GMDS: variants seen among roughly 807,000 people sequenced by gnomAD.
GMDS encodes the protein GDP-mannose 4,6-dehydratase.
GMDS carries 20 observed loss-of-function variants against 49.9 expected under a neutral mutation model. The observed-to-expected ratio is 0.40, with a 90% CI of 0.28 to 0.58. GMDS has a LOEUF of 0.58. Ranked by LOEUF, GMDS falls within the 20% of genes least tolerant of loss-of-function variation. The probability of loss-of-function intolerance (pLI) is 0.42; values close to 1 mark genes in which losing one functional copy is unlikely to be tolerated. For synonymous variants in GMDS, 177 were observed against 178.6 expected (o/e 0.99, Z 0.07); for missense variants, 362 against 481.4 (o/e 0.75, Z 2.32).
At position 1,833,734 on chromosome 6, in the gene GMDS, G is replaced by A. The variant is rs1030510198; in HGVS notation, c.772-91148C>T. Among the ~76,000 whole-genome samples the A allele has an allele frequency of 6.6e-6, 1 of 152,288 alleles. No individual in the cohort carries two copies. The highest frequency in any genetic ancestry group is 2.4e-5 in the African/African-American group (1 of 41,558). On this transcript the variant is annotated intron_variant, in intron 7 of 10. Transcript: ENST00000380815. This position sits in a 1 kb window ranked among gnomAD's most constrained non-coding sequence, Gnocchi z 4.4. ...TTTAAAAAACCATTTTCACATGGAAGGGCAGTGGGTTGAAAGATCCTCATT... is the reference window on the plus strand; with the variant it reads ...TTTAAAAAACCATTTTCACATGGAAAGGCAGTGGGTTGAAAGATCCTCATT...
intron 7 of GMDS, among the ~76,000 whole-genome samples, chr6:1,798,893 T>TGCTCTTCCC (rs1428928667): frequency 6.6e-6 from 1 of 152,154 alleles, no homozygotes. Flanking sequence ...CTTGCTTGCT[T>TGCTCTTCCC]CAAAACATAC....
intron 1 of GMDS, among the ~76,000 whole-genome samples, chr6:2,130,118 C>T (rs988597023): frequency 3.9e-5 from 6 of 152,186 alleles, no homozygotes; most frequent in African/African-American, 1.2e-4. Flanking sequence ...AATGAAGAGG[C>T]TGGACTAATG....
intron 9 of GMDS, among the ~76,000 whole-genome samples, chr6:1,688,905 C>T (rs1253649876): frequency 6.6e-6 from 1 of 152,168 alleles, no homozygotes; most frequent in South Asian, 2.1e-4. Flanking sequence ...AATGATAGCA[C>T]TTCAACATCA....
intron 8 of GMDS, among the ~76,000 whole-genome samples, chr6:1,735,524 CAGG>C (rs1766970982): frequency 6.6e-6 from 1 of 152,256 alleles, no homozygotes; most frequent in South Asian, 2.1e-4. Context: ...GGGAAGTGGC[CAGG>C]AGAAGCAGAC....
intron 8 of GMDS, among the ~76,000 whole-genome samples, chr6:1,741,071 G>A (rs1208814372): frequency 1.3e-5 from 2 of 151,978 alleles, no homozygotes; most frequent in Non-Finnish European, 2.9e-5. Context: ...CATTATAATT[G>A]TACACATTTA....
At chr6:1,653,154 A>C (rs979475804) in intron 9 of GMDS, among the ~76,000 whole-genome samples, 7 of 151,150 alleles carry the variant, frequency 4.6e-5, no homozygotes, top group Admixed American at 1.3e-4. Flanking sequence ...TCCCATCTAC[A>C]CTCTTATTTG....
intron 4 of GMDS, among the ~76,000 whole-genome samples, chr6:1,989,591 G>T (rs751021012): frequency 6.6e-6 from 1 of 152,112 alleles, no homozygotes; most frequent in Non-Finnish European, 1.5e-5. Flanking sequence ...TCTTTGAAAC[G>T]CAAAAAAGCT....
intron 7 of GMDS, among the ~76,000 whole-genome samples, chr6:1,803,265 G>A (rs564715187): frequency 2.6e-5 from 4 of 152,250 alleles, no homozygotes; most frequent in South Asian, 2.1e-4. Flanking sequence ...GGATTGATAC[G>A]GCATTCTTGC....
At chr6:2,125,699 A>G (rs552778695) in intron 1 of GMDS, among the ~76,000 whole-genome samples, 12 of 152,168 alleles carry the variant, frequency 7.9e-5, no homozygotes, top group Non-Finnish European at 1.3e-4. Flanking sequence ...TCCATGGTAG[A>G]ATAAAGAAGG....
At chr6:2,164,271 G>A (rs1322592673) in intron 1 of GMDS, among the ~76,000 whole-genome samples, 1 of 152,104 alleles carries the variant, frequency 6.6e-6, no homozygotes, top group Non-Finnish European at 1.5e-5. Context: ...TTGTTCCCCA[G>A]GTTTCTGTCT....
chr6:1,902,721 C>T (rs1041882245), intron 7 of GMDS, among the ~76,000 whole-genome samples: 2 of 152,152 alleles, frequency 1.3e-5, no homozygotes, highest in Admixed American at 6.5e-5. Flanking sequence ...AAATTCCTTA[C>T]AAGTAAATAT....
At chr6:1,992,206 G>A (rs9503062) in intron 4 of GMDS, among the ~76,000 whole-genome samples, 4,434 of 152,236 alleles carry the variant, frequency 0.029, 206 homozygotes, top group African/African-American at 0.1. Context: ...TACCCCCGCT[G>A]AGCTCCAGAC....
At chr6:1,964,856 G>A (rs550819388) in intron 4 of GMDS, among the ~76,000 whole-genome samples, 11 of 152,160 alleles carry the variant, frequency 7.2e-5, no homozygotes, top group Non-Finnish European at 1.3e-4. Flanking sequence ...GGTGTGTGAT[G>A]TTCCCCTTCC....
intron 4 of GMDS, among the ~76,000 whole-genome samples, chr6:2,003,391 T>A (rs983688102): frequency 6.6e-6 from 1 of 152,114 alleles, no homozygotes; most frequent in Non-Finnish European, 1.5e-5. Flanking sequence ...TACTTAAAAT[T>A]CCAACAAATC....
At chr6:1,642,236 G>A (rs904859723) in intron 9 of GMDS, among the ~76,000 whole-genome samples, 1 of 145,476 alleles carries the variant, frequency 6.9e-6, no homozygotes, top group Non-Finnish European at 1.5e-5. Flanking sequence ...GTGTGATCTC[G>A]GCTCACTGCA....
chr6:1,868,360 C>A lies in GMDS; in HGVS notation c.771+61743G>T, dbSNP rs115521905. Among the ~76,000 whole-genome samples the A allele has an allele frequency of 8.3e-3, 1,256 of 152,240 alleles. 10 individuals are homozygous for A. The highest frequency in any genetic ancestry group is 0.034 in the Middle Eastern group (10 of 294). ...CTATTCTAAGTGTCTAATCAGGTAA[C>A]CTGGAACATATTTTCCTACATGGAT... On this transcript the variant is annotated intron_variant, in intron 7 of 10. Transcript: ENST00000380815.
chr6:1,670,060 G>T (rs940485858), intron 9 of GMDS, among the ~76,000 whole-genome samples: 10 of 151,932 alleles, frequency 6.6e-5, no homozygotes, highest in Admixed American at 6.6e-4. Flanking sequence ...TGTCACAAAC[G>T]AGGGGAGATC....
At chr6:2,152,109 A>G (rs1304561453) in intron 1 of GMDS, among the ~76,000 whole-genome samples, 3 of 152,182 alleles carry the variant, frequency 2.0e-5, no homozygotes, top group Non-Finnish European at 2.9e-5. Flanking sequence ...AAATATCAAT[A>G]TAGTAAACAA....
intron 9 of GMDS, among the ~76,000 whole-genome samples, chr6:1,645,533 C>T (rs895286354): frequency 6.6e-6 from 1 of 152,226 alleles, no homozygotes; most frequent in Non-Finnish European, 1.5e-5. Context: ...CCTGGTGTTC[C>T]CTGTGCTGTC....
Sources: allele counts gnomAD v4.1 joint callset (sites outside exome capture counted in the v4.1 genomes callset), GRCh38; gene constraint gnomAD v4.1.1; non-coding constraint Gnocchi (gnomAD v3.1); transcripts MANE v1.5; gene names NCBI Gene and HGNC (gene_info 2026-07-23, HGNC 2026-07-21).